The following ESYT2 variants were observed in gnomAD, a reference collection of about 807,000 sequenced individuals.
ESYT2 encodes extended synaptotagmin-2.
ESYT2 carries 54 observed loss-of-function variants against 107.2 expected under a neutral mutation model. That is an observed-to-expected ratio of 0.50 (90% CI 0.40 to 0.63). The LOEUF is 0.63. ESYT2 is among the 30% of genes least tolerant of loss of function. ESYT2 has a pLI of 0.00. For missense variants in ESYT2, 1,020 were observed against 1,094.5 expected (o/e 0.93, Z 0.96); for synonymous variants, 491 against 434.1 (o/e 1.13, Z -1.63).
intron 4 of ESYT2, among the ~76,000 whole-genome samples, chr7:158,792,926 G>A (rs911612055): frequency 1.4e-4 from 21 of 151,622 alleles, no homozygotes; most frequent in Middle Eastern, 3.4e-3. Context: ...CCACCACCAC[G>A]CCTGGCTAAT....
At chr7:158,761,846 A>G (rs1837977104) in intron 10 of ESYT2, among the ~76,000 whole-genome samples, 1 of 152,166 alleles carries the variant, frequency 6.6e-6, no homozygotes, top group Non-Finnish European at 1.5e-5. Context: ...AAACAAAAAC[A>G]ACTCATCTTC....
intron 3 of ESYT2, among the ~76,000 whole-genome samples, chr7:158,794,399 T>TG (rs989874157): frequency 1.1e-4 from 17 of 152,138 alleles, no homozygotes; most frequent in African/African-American, 3.4e-4. Flanking sequence ...GAGGCTGAGG[T>TG]GGGGAGATTG....
At chr7:158,809,244 A>G (rs968929320) in intron 1 of ESYT2, among the ~76,000 whole-genome samples, 3 of 151,914 alleles carry the variant, frequency 2.0e-5, no homozygotes, top group African/African-American at 2.4e-5. Context: ...TTGGGAGGCC[A>G]AGGCGGGCGG....
At chr7:158,824,999 A>T (rs1341013741) in intron 1 of ESYT2, among the ~76,000 whole-genome samples, 1 of 152,158 alleles carries the variant, frequency 6.6e-6, no homozygotes, top group Non-Finnish European at 1.5e-5. Context: ...CCTCTCTTTA[A>T]AAAACAAAAA....
chr7:158,823,676 G>A lies in ESYT2; in HGVS notation c.330+5413C>T, dbSNP rs553864066. 3.9e-5 allele frequency among the ~76,000 whole-genome samples: 6 copies of A among 152,040 alleles called. 1 individual carries two copies. Among genetic ancestry groups the A allele is most frequent in the South Asian group, 4.2e-4 (2 of 4,814 alleles). On this transcript the variant is annotated intron_variant, in intron 1 of 22. Transcript: ENST00000275418. ...CTATTGAGACATAATTCACATACTC[G>A]TCAATGCACTCATTTAAAGTAAACA... is the stretch of plus-strand genomic sequence containing the variant.
intron 4 of ESYT2, among the ~76,000 whole-genome samples, chr7:158,789,359 T>C (rs1320491238): frequency 6.6e-6 from 1 of 152,170 alleles, no homozygotes; most frequent in Non-Finnish European, 1.5e-5. Flanking sequence ...TTGATCATTT[T>C]CTTTTCTTTT....
In ESYT2 at chr7:158,741,662, C is replaced by T. The variant is rs1036665528; in HGVS notation, c.2029G>A (p.Asp677Asn). 13 of 1,613,734 alleles carry T rather than the reference C, an allele frequency of 8.1e-6. No individual in the cohort carries two copies. The highest frequency in any genetic ancestry group is 5.0e-5 in the Admixed American group (3 of 59,996). ...AGGCTGGAGGAGCTTCTGCCCAGGT[C>T]GTGCAGCCCCTGAGGGCCGGCCTCA... is the stretch of plus-strand genomic sequence containing the variant. ...PPEAGPQGLH[D>N]LGRSSSSLLA... Residue 677 changes from aspartate (D) to asparagine (N), a missense_variant, in exon 18 of 23, where the codon GAC becomes AAC. Asp to Asn is a conservative substitution (Grantham distance 23). Transcript: ENST00000275418.
At chr7:158,814,353 A>C (rs1840090354) in intron 1 of ESYT2, among the ~76,000 whole-genome samples, 1 of 123,174 alleles carries the variant, frequency 8.1e-6, no homozygotes, top group African/African-American at 3.0e-5. Context: ...ATATGAAATA[A>C]TATACCTTAC....
chr7:158,752,677 T>C, intron 14 of ESYT2, 104 bp downstream of exon 14: 4 of 658,880 alleles, frequency 6.1e-6, no homozygotes, highest in Non-Finnish European at 9.1e-6. Flanking sequence ...AATTAATTAC[T>C]ACATAAATAT....
At chr7:158,802,085 C>CATA (rs1455897717) in intron 1 of ESYT2, among the ~76,000 whole-genome samples, 1 of 152,190 alleles carries the variant, frequency 6.6e-6, no homozygotes, top group African/African-American at 2.4e-5. Context: ...ATGGAATTGA[C>CATA]ATAACTGGTC....
intron 3 of ESYT2, 29 bp from the exon 4 acceptor site, chr7:158,793,755 T>A (rs1359679049): frequency 6.4e-7 from 1 of 1,568,218 alleles, no homozygotes; most frequent in African/African-American, 1.4e-5. Context: ...TATTTTAAGA[T>A]ACAGAGGTTA....
intron 1 of ESYT2, among the ~76,000 whole-genome samples, chr7:158,814,853 G>A (rs1233129323): frequency 2.0e-5 from 3 of 152,308 alleles, no homozygotes; most frequent in Middle Eastern, 3.4e-3. Flanking sequence ...TCTGAAGAGC[G>A]GAAATGACAT....
intron 4 of ESYT2, among the ~76,000 whole-genome samples, chr7:158,791,034 C>T (rs1446892677): frequency 3.9e-5 from 6 of 152,148 alleles, no homozygotes; most frequent in African/African-American, 1.2e-4. Flanking sequence ...CAACCATCAC[C>T]ACCATCCGTC....
chr7:158,815,938 G>GA (rs1201204317), intron 1 of ESYT2, among the ~76,000 whole-genome samples: 1 of 152,172 alleles, frequency 6.6e-6, no homozygotes, highest in Non-Finnish European at 1.5e-5. Flanking sequence ...CCTGGCTCCT[G>GA]AATACTCCAA....
At chr7:158,788,273 A>C (rs1209602649) in intron 5 of ESYT2, 72 bp downstream of exon 5, 1 of 1,449,236 alleles carries the variant, frequency 6.9e-7, no homozygotes, top group Non-Finnish European at 9.4e-7. Flanking sequence ...AAACTTCCTA[A>C]TTTTATTTTT....
At chr7:158,778,064 T>C (rs937963036) in intron 6 of ESYT2, among the ~76,000 whole-genome samples, 3 of 152,224 alleles carry the variant, frequency 2.0e-5, no homozygotes, top group Non-Finnish European at 4.4e-5. Context: ...TCATCTTAAA[T>C]GTCGCATTCA....
intron 17 of ESYT2, 32 bp from the exon 18 acceptor site, chr7:158,741,928 T>G: frequency 6.5e-7 from 1 of 1,541,502 alleles, no homozygotes; most frequent in Non-Finnish European, 8.7e-7. Context: ...AAAATTAAAC[T>G]TGGTGACACT....
At chr7:158,811,680 A>G (rs556154558) in intron 1 of ESYT2, among the ~76,000 whole-genome samples, 1 of 152,298 alleles carries the variant, frequency 6.6e-6, no homozygotes, top group Non-Finnish European at 1.5e-5. Flanking sequence ...TCAACTTTCT[A>G]TGGCTGTTCT....
intron 1 of ESYT2, among the ~76,000 whole-genome samples, chr7:158,812,851 C>T (rs1242829792): frequency 6.6e-6 from 1 of 152,188 alleles, no homozygotes; most frequent in Admixed American, 6.5e-5. Context: ...TATTACATGC[C>T]TCCGTTTACA....
Sources: gnomAD v4.1 joint callset for allele counts (sites outside exome capture counted in the v4.1 genomes callset) on GRCh38, gnomAD v4.1.1 for gene constraint, MANE v1.5 for transcripts, NCBI Gene and HGNC (gene_info 2026-07-23, HGNC 2026-07-21) for gene names.